Variants in OPRM1 observed in about 807,000 individuals in gnomAD.
OPRM1 encodes the protein opioid receptor mu 1.
A neutral mutation model predicts 31.8 loss-of-function variants in OPRM1; 27 were observed. The observed-to-expected ratio is 0.85, with a 90% CI of 0.63 to 1.17. The LOEUF is 1.17. Among genes scored for constraint, OPRM1 ranks in the 50% most tolerant of loss-of-function variants. OPRM1 has a pLI of 0.00. For synonymous variants in OPRM1, 196 were observed against 189.9 expected, an observed-to-expected ratio of 1.03 and a Z score of -0.26; for missense variants, 536 against 511.1, an observed-to-expected ratio of 1.05 and a Z score of -0.47.
At chr6:154,164,502 G>C (rs1005844613) in intron 3 of OPRM1, among the ~76,000 whole-genome samples, 4 of 152,202 alleles carry the variant, frequency 2.6e-5, no homozygotes, top group Non-Finnish European at 4.4e-5. Context: ...GCTTCTCCTG[G>C]ATGGCGCATG....
chr6:154,053,611 AGTTTT>A (rs1310984293), intron 1 of OPRM1, among the ~76,000 whole-genome samples: 3 of 152,180 alleles, frequency 2.0e-5, no homozygotes, highest in Non-Finnish European at 4.4e-5. Flanking sequence ...TCTTGTCTAC[AGTTTT>A]GTTCAATGAT....
intron 3 of OPRM1, among the ~76,000 whole-genome samples, chr6:154,099,147 C>T (rs903880138): frequency 4.6e-5 from 7 of 151,808 alleles, no homozygotes; most frequent in Admixed American, 6.6e-5. Flanking sequence ...AAGCCAGGCG[C>T]GGTGGCATGC....
At chr6:154,060,328 CTAAA>C (rs1420726203) in intron 1 of OPRM1, among the ~76,000 whole-genome samples, 5 of 152,084 alleles carry the variant, frequency 3.3e-5, no homozygotes, top group African/African-American at 7.2e-5. Context: ...TCCAGCGAGC[CTAAA>C]TAAATAGACC....
intron 3 of OPRM1, among the ~76,000 whole-genome samples, chr6:154,150,117 G>T (rs1798460531): frequency 6.6e-6 from 1 of 152,174 alleles, no homozygotes; most frequent in African/African-American, 2.4e-5. Flanking sequence ...TCCACAATCT[G>T]CCTGGCAGTT....
At chr6:154,151,732 T>A (rs934075596) in intron 3 of OPRM1, among the ~76,000 whole-genome samples, 11 of 152,230 alleles carry the variant, frequency 7.2e-5, no homozygotes, top group African/African-American at 2.6e-4. Flanking sequence ...CCTCCTACTC[T>A]GGCTAGAACT....
chr6:154,030,706 A>G (rs1778960492), intron 1 of OPRM1, among the ~76,000 whole-genome samples: 1 of 152,232 alleles, frequency 6.6e-6, no homozygotes, highest in Non-Finnish European at 1.5e-5. Context: ...ACTGACCAGC[A>G]TGGTGAAACC....
intron 3 of OPRM1, among the ~76,000 whole-genome samples, chr6:154,226,474 A>C (rs1338288928): frequency 6.6e-6 from 1 of 152,054 alleles, no homozygotes; most frequent in Non-Finnish European, 1.5e-5. Flanking sequence ...TGTGAGAGAC[A>C]TCCCCAACTC....
chr6:154,142,094 C>T (rs188542882), intron 3 of OPRM1, among the ~76,000 whole-genome samples: 1 of 127,172 alleles, frequency 7.9e-6, no homozygotes, highest in Non-Finnish European at 1.7e-5. Context: ...CGCTCTGGAC[C>T]TGTAATCTGT....
downstream of OPRM1, among the ~76,000 whole-genome samples, chr6:154,136,837 C>T (rs1043070014): frequency 3.9e-5 from 6 of 152,002 alleles, no homozygotes; most frequent in African/African-American, 1.4e-4. Context: ...GGAGGCAAGC[C>T]GAGCGATAGG....
chr6:154,065,087 A>T (rs1158137811), intron 1 of OPRM1, among the ~76,000 whole-genome samples: 1 of 152,114 alleles, frequency 6.6e-6, no homozygotes, highest in Non-Finnish European at 1.5e-5. Flanking sequence ...ATGACATCTT[A>T]ACAGTATTAC....
intron 1 of OPRM1, among the ~76,000 whole-genome samples, chr6:154,072,406 T>C (rs1174213146): frequency 1.3e-5 from 2 of 152,232 alleles, no homozygotes; most frequent in African/African-American, 4.8e-5. Context: ...AGATTTCATG[T>C]GCAAGAATGC....
chr6:154,093,581 T>A (rs1417858061), intron 3 of OPRM1: 2 of 1,491,880 alleles, frequency 1.3e-6, no homozygotes, highest in Non-Finnish European at 1.8e-6. Flanking sequence ...TCCAAGTAAC[T>A]AAAAGGTTTG....
chr6:154,237,160 A>C (rs932982579), intron 3 of OPRM1, among the ~76,000 whole-genome samples: 3 of 152,216 alleles, frequency 2.0e-5, no homozygotes, highest in Non-Finnish European at 2.9e-5. Flanking sequence ...AAATCTTCAA[A>C]TAAAGACTTC....
chr6:154,222,671 T>C (rs990503019), intron 3 of OPRM1, among the ~76,000 whole-genome samples: 3 of 152,150 alleles, frequency 2.0e-5, no homozygotes, highest in African/African-American at 7.2e-5. Flanking sequence ...TTGGTCCCTG[T>C]CAGTGCTCAA....
Position 154,152,296 on chromosome 6 carries a change from GAAGAAAGAAAGA to G in OPRM1, c.1164+60864_1164+60875del, listed in dbSNP as rs1165338713. Among the ~76,000 whole-genome samples, 136 of 96,578 alleles carry G rather than the reference GAAGAAAGAAAGA, an allele frequency of 1.4e-3. 1 individual carries two copies. Among genetic ancestry groups the G allele is most frequent in the Non-Finnish European group, 2.0e-3 (95 of 48,554 alleles). The allele number at this position is 96,578 out of a possible 152,430, so 63.4% of individuals were successfully genotyped here. A position where few individuals can be genotyped will look rare whatever the true frequency, so the allele number is the denominator to read the frequency against. The stretch of plus-strand genomic sequence containing the variant: ...AAGAAAAGGAAAGAAAAGGAAGAGA[GAAGAAAGAAAGA>G]AAGAAAGAAAGAAAGAAAGAAAGAA... On this transcript the variant is annotated intron_variant, in intron 3 of 3. Coordinates refer to the OPRM1 transcript ENST00000337049.
upstream of OPRM1, among the ~76,000 whole-genome samples, chr6:154,037,870 A>G (rs1779409325): frequency 6.6e-6 from 1 of 152,146 alleles, no homozygotes; most frequent in Non-Finnish European, 1.5e-5. Flanking sequence ...AGGAATTATT[A>G]TACTGTGTCT....
chr6:154,238,698 A>T (rs1218283303), intron 3 of OPRM1, among the ~76,000 whole-genome samples: 2 of 151,538 alleles, frequency 1.3e-5, no homozygotes, highest in African/African-American at 4.9e-5. Flanking sequence ...CCTTTTTTAT[A>T]ATTTTTATTT....
At chr6:154,060,508 C>T (rs974952577) in intron 1 of OPRM1, among the ~76,000 whole-genome samples, 2 of 152,212 alleles carry the variant, frequency 1.3e-5, no homozygotes, top group African/African-American at 2.4e-5. Flanking sequence ...CCATAGACTA[C>T]TCCAGTCCAT....
At position 154,125,203 on chromosome 6, in the gene OPRM1, G is replaced by A. The variant is rs560328694; in HGVS notation, c.*6482G>A. 2.6e-5 allele frequency among the ~76,000 whole-genome samples: 4 copies of A among 152,212 alleles called. No homozygotes were observed. Among genetic ancestry groups the A allele is most frequent in the South Asian group, 2.1e-4 (1 of 4,824 alleles). On this transcript the variant is annotated 3_prime_UTR_variant, in exon 4 of 4. Transcript: ENST00000330432. ...TTTCAGATGATATATCTTCATTTTC[G>A]ATTTTGAAAGAACAGTAATACTAAT...
Sources: allele counts gnomAD v4.1 joint callset (sites outside exome capture counted in the v4.1 genomes callset), GRCh38; gene constraint gnomAD v4.1.1; transcripts MANE v1.5; gene names NCBI Gene and HGNC (gene_info 2026-07-23, HGNC 2026-07-21).